The following CCSER2 variants were observed in gnomAD, a reference collection of about 807,000 sequenced individuals.
CCSER2 encodes the protein coiled-coil serine rich protein 2, also known as serine-rich coiled-coil domain-containing protein 2.
Under a neutral mutation model 92.3 loss-of-function variants are expected in CCSER2, and 46 were observed. The ratio of observed to expected loss-of-function variants is 0.50; its 90% CI spans 0.39 to 0.64. The LOEUF (loss-of-function observed/expected upper bound fraction) is 0.64, where lower values mean the gene tolerates loss of function less well. Among genes scored for constraint, CCSER2 ranks in the 30% least tolerant of loss-of-function variants. The pLI, the probability that CCSER2 is intolerant of heterozygous loss-of-function variation, is 0.00. For missense variants in CCSER2, 1,244 were observed against 1,238.9 expected (o/e 1.00, Z -0.06); for synonymous variants, 433 against 431.4 (o/e 1.00, Z -0.04).
intron 5 of CCSER2, among the ~76,000 whole-genome samples, chr10:84,431,818 G>A (rs1843786691): frequency 6.6e-6 from 1 of 152,172 alleles, no homozygotes; most frequent in South Asian, 2.1e-4. Flanking sequence ...AAAACATCTT[G>A]GTTGCTTCCA....
At chr10:84,476,441 T>TTTC (rs1265828049) in intron 8 of CCSER2, among the ~76,000 whole-genome samples, 2 of 122,672 alleles carry the variant, frequency 1.6e-5, no homozygotes, top group Non-Finnish European at 3.4e-5. Context: ...CTCTCTTTTT[T>TTTC]TTTTTTTTTT....
chr10:84,509,468 T>G (rs1483867149), intron 9 of CCSER2, among the ~76,000 whole-genome samples: 1 of 152,178 alleles, frequency 6.6e-6, no homozygotes, highest in Non-Finnish European at 1.5e-5. Flanking sequence ...CATTTACAAT[T>G]ATCATTAAAG....
At chr10:84,501,543 C>T (rs1848719948) in intron 9 of CCSER2, among the ~76,000 whole-genome samples, 2 of 151,876 alleles carry the variant, frequency 1.3e-5, no homozygotes, top group Non-Finnish European at 2.9e-5. Context: ...CAGAAATACC[C>T]ATTTCATTGG....
At chr10:84,342,139 C>T (rs1490149955) in intron 1 of CCSER2, among the ~76,000 whole-genome samples, 2 of 152,164 alleles carry the variant, frequency 1.3e-5, no homozygotes, top group East Asian at 3.9e-4. Context: ...TGGTAACCAG[C>T]TTCCATCCTG....
chr10:84,441,734 ATGTTTTT>A (rs142986376), intron 6 of CCSER2, among the ~76,000 whole-genome samples: 2,135 of 106,328 alleles, frequency 0.02, 135 homozygotes, highest in South Asian at 0.039. Flanking sequence ...GACTGGGAAA[ATGTTTTT>A]TTTTTTTTTT....
At chr10:84,369,184 C>T (rs931385398) in intron 1 of CCSER2, among the ~76,000 whole-genome samples, 11 of 150,712 alleles carry the variant, frequency 7.3e-5, no homozygotes, top group Non-Finnish European at 5.9e-5. Flanking sequence ...TGGGTAGATA[C>T]CCAGTAGTGA....
rs532521560 is a variant in CCSER2, at chr10:84,347,673, G to A, written c.-40+18865G>A. Among the ~76,000 whole-genome samples the A allele has an allele frequency of 1.3e-4, 19 of 151,362 alleles. No homozygotes were observed. The South Asian group carries it at 3.4e-3, about 27-fold the overall frequency. ...CTGACTTCCCAGACGGGCGGCTGCC[G>A]GGCGGAGGGGCTCCTCACTTCTCAG... On this transcript the variant is annotated intron_variant, in intron 1 of 9. Coordinates refer to ENST00000372088, the MANE Select transcript of CCSER2 (RefSeq NM_001284240.2).
intron 6 of CCSER2, among the ~76,000 whole-genome samples, chr10:84,443,058 A>T (rs1306667417): frequency 6.6e-6 from 1 of 152,234 alleles, no homozygotes; most frequent in Non-Finnish European, 1.5e-5. Flanking sequence ...AAGAAAACCT[A>T]GGAAATACCA....
chr10:84,391,944 C>A lies in CCSER2; in HGVS notation c.1614+18129C>A, dbSNP rs116418502. On this transcript the variant is annotated intron_variant, in intron 3 of 9. Coordinates refer to ENST00000372088, the MANE Select transcript of CCSER2 (RefSeq NM_001284240.2). ...TCAGAGACACATTCGGTGTAAGATC[C>A]TTCATGGATTTAAAAATCAAGTAGG... is the stretch of plus-strand genomic sequence containing the variant. 950 of 1,363,436 alleles carry A rather than the reference C, an allele frequency of 7.0e-4. 9 individuals are homozygous for A. In the African/African-American group the frequency reaches 0.011, roughly 16 times the overall value. 84.5% of individuals were successfully genotyped at this position (1,363,436 alleles called of 1,614,324 possible).
intron 8 of CCSER2, among the ~76,000 whole-genome samples, chr10:84,474,662 CAAAA>C (rs397844899): frequency 0.022 from 1,436 of 65,704 alleles, 15 homozygotes; most frequent in African/African-American, 0.059. Flanking sequence ...GACTCCATCT[CAAAA>C]AAAAAAAAAA....
chr10:84,350,806 G>A (rs1844820070), intron 1 of CCSER2, among the ~76,000 whole-genome samples: 1 of 152,136 alleles, frequency 6.6e-6, no homozygotes, highest in Non-Finnish European at 1.5e-5. Context: ...TAAACTATTT[G>A]ACAGCAACCG....
At chr10:84,441,056 A>G (rs1844502232) in intron 6 of CCSER2, among the ~76,000 whole-genome samples, 1 of 152,180 alleles carries the variant, frequency 6.6e-6, no homozygotes, top group African/African-American at 2.4e-5. Flanking sequence ...ATGTTTTGGC[A>G]TTTAGTAGGC....
intron 6 of CCSER2, among the ~76,000 whole-genome samples, chr10:84,440,490 G>A (rs1844462476): frequency 6.6e-6 from 1 of 151,960 alleles, no homozygotes; most frequent in Non-Finnish European, 1.5e-5. Context: ...TACACTATTC[G>A]AAGGCTTAAT....
chr10:84,430,275 G>T (rs1173591973), intron 5 of CCSER2, among the ~76,000 whole-genome samples: 1 of 152,030 alleles, frequency 6.6e-6, no homozygotes, highest in African/African-American at 2.4e-5. Context: ...GGATTCTCTG[G>T]TATTTCCTTG....
At chr10:84,458,889 C>CT (rs1179773021) in intron 6 of CCSER2, among the ~76,000 whole-genome samples, 1 of 151,856 alleles carries the variant, frequency 6.6e-6, no homozygotes, top group African/African-American at 2.4e-5. Flanking sequence ...TTGGATTTTG[C>CT]TTTATCATAA....
chr10:84,383,254 C>T (rs749054609), intron 3 of CCSER2, among the ~76,000 whole-genome samples: 3 of 152,060 alleles, frequency 2.0e-5, no homozygotes, highest in African/African-American at 7.2e-5. Context: ...CATTTTACTT[C>T]GCTTGGGTTA....
At chr10:84,410,417 C>T (rs976488941) in intron 3 of CCSER2, among the ~76,000 whole-genome samples, 4 of 152,160 alleles carry the variant, frequency 2.6e-5, no homozygotes, top group African/African-American at 7.2e-5. Context: ...CACAGCCATA[C>T]CAGCATCTGT....
At chr10:84,452,873 A>C (rs1418846615) in intron 6 of CCSER2, among the ~76,000 whole-genome samples, 5 of 149,960 alleles carry the variant, frequency 3.3e-5, no homozygotes, top group Non-Finnish European at 5.9e-5. Context: ...TGGCCTGGGC[A>C]CTTTCCTTTT....
intron 7 of CCSER2, among the ~76,000 whole-genome samples, chr10:84,467,026 T>G (rs12265594): frequency 0.12 from 18,523 of 152,182 alleles, 3,262 homozygotes; most frequent in African/African-American, 0.39. Context: ...TATTTGTTTG[T>G]AAATGTGTAT....
Sources: allele counts gnomAD v4.1 joint callset (sites outside exome capture counted in the v4.1 genomes callset), GRCh38; gene constraint gnomAD v4.1.1; transcripts MANE v1.5; gene names NCBI Gene and HGNC (gene_info 2026-07-23, HGNC 2026-07-21).